The following PTPRK variants were observed in gnomAD, a reference collection of about 807,000 sequenced individuals.
The protein encoded by PTPRK is protein tyrosine phosphatase receptor type K.
In PTPRK, 75 loss-of-function variants were observed where a neutral mutation model predicts 178.0. The observed-to-expected ratio is 0.42, with a 90% confidence interval of 0.35 to 0.51. PTPRK has a LOEUF of 0.51. Among genes scored for constraint, PTPRK ranks in the 20% least tolerant of loss-of-function variants. PTPRK has a pLI of 0.02. For synonymous variants in PTPRK, 637 were observed against 620.6 expected, an observed-to-expected ratio of 1.03 and a Z score of -0.39; for missense variants, 1,441 against 1,797.8, an observed-to-expected ratio of 0.80 and a Z score of 3.59.
intron 3 of PTPRK, among the ~76,000 whole-genome samples, chr6:128,247,305 T>C (rs1345997397): frequency 3.3e-5 from 5 of 152,114 alleles, no homozygotes; most frequent in African/African-American, 1.2e-4. Flanking sequence ...GTCAGATATA[T>C]ATTTAACTCA....
At position 128,411,688 on chromosome 6, in the gene PTPRK, G is replaced by A. The variant is rs145036005; in HGVS notation, c.101-14000C>T. ...TATTTGGTCAGAACACAAATGAAGT[G>A]TAAAGCCAATAGCTATTTTTAAAAT... On this transcript the variant is annotated intron_variant, in intron 1 of 29. Transcript: ENST00000368226. Among the ~76,000 whole-genome samples, 643 of 152,290 alleles carry A rather than the reference G, an allele frequency of 4.2e-3. 2 individuals carry two copies. Among genetic ancestry groups the A allele is most frequent in the African/African-American group, 0.015 (604 of 41,562 alleles).
At chr6:128,390,220 T>G (rs1839360284) in intron 2 of PTPRK, among the ~76,000 whole-genome samples, 1 of 152,192 alleles carries the variant, frequency 6.6e-6, no homozygotes, top group Non-Finnish European at 1.5e-5. Flanking sequence ...TGATTTTTTC[T>G]TTTACCATAC....
intron 2 of PTPRK, among the ~76,000 whole-genome samples, chr6:128,342,134 T>C (rs905472354): frequency 1.3e-5 from 2 of 151,926 alleles, no homozygotes; most frequent in Admixed American, 6.6e-5. Context: ...ATGCTGGTAA[T>C]CCCAGCTACT....
chr6:128,451,858 G>A (rs75343064), intron 1 of PTPRK, among the ~76,000 whole-genome samples: 2,520 of 152,084 alleles, frequency 0.017, 29 homozygotes, highest in Non-Finnish European at 0.027. Context: ...GGAAACCACC[G>A]AACTAAGTCT....
intron 3 of PTPRK, among the ~76,000 whole-genome samples, chr6:128,317,230 A>C (rs1031566587): frequency 1.3e-5 from 2 of 152,208 alleles, no homozygotes; most frequent in Non-Finnish European, 2.9e-5. Flanking sequence ...CGTAAGCACA[A>C]CTTCAACTGT....
chr6:128,127,525 C>G (rs1793576163), intron 7 of PTPRK, among the ~76,000 whole-genome samples: 1 of 151,992 alleles, frequency 6.6e-6, no homozygotes, highest in Admixed American at 6.5e-5. Context: ...AGCTTTATAC[C>G]TAAACAATTA....
chr6:128,241,611 T>C (rs565361920), intron 4 of PTPRK, among the ~76,000 whole-genome samples: 27 of 152,316 alleles, frequency 1.8e-4, no homozygotes, highest in African/African-American at 6.5e-4. Context: ...AGTCTGAATT[T>C]ATGCCAGCTG....
chr6:128,067,866 T>C, intron 11 of PTPRK, 74 bp from the exon 12 acceptor site: 6 of 1,368,270 alleles, frequency 4.4e-6, no homozygotes, highest in Admixed American at 2.4e-5. Flanking sequence ...TAAGATTTTT[T>C]TTAAGGGGTT....
chr6:128,092,781 A>T (rs1787211683), intron 7 of PTPRK, among the ~76,000 whole-genome samples: 1 of 152,212 alleles, frequency 6.6e-6, no homozygotes, highest in Non-Finnish European at 1.5e-5. Flanking sequence ...AGTTGCCTAA[A>T]TTATTGACCT....
At chr6:128,289,795 A>C (rs1055423899) in intron 3 of PTPRK, among the ~76,000 whole-genome samples, 2 of 152,134 alleles carry the variant, frequency 1.3e-5, no homozygotes, top group African/African-American at 4.8e-5. Flanking sequence ...CATGATGCAA[A>C]TTGTTAGGTA....
At position 128,089,985 on chromosome 6, in the gene PTPRK, C is replaced by A; in HGVS notation, c.1170G>T (p.Met390Ile). 1 of 1,599,090 alleles carries A rather than the reference C, an allele frequency of 6.3e-7. No homozygotes were observed. The highest frequency in any genetic ancestry group is 8.6e-7 in the Non-Finnish European group (1 of 1,166,690). ...CAATCTTTAATGTCTTTGGGGTTCT[C>A]ATAGGTTCTGAAAAATAAATCAGAG... Reference protein sequence around the residue: ...LITRTKCAEPMRTPKTLKIAE... With the variant: ...LITRTKCAEPIRTPKTLKIAE... The change falls in exon 8 of 30, where the codon ATG becomes ATT. Residue 390 changes from methionine (M) to isoleucine (I), a missense_variant. Around this residue, in one of 4 missense-constraint regions of PTPRK, gnomAD observed 945 missense variants for 1,080.6 expected, o/e 0.87. Transcript: ENST00000368226.
chr6:128,214,794 A>C (rs530712235), intron 6 of PTPRK, among the ~76,000 whole-genome samples: 1 of 152,186 alleles, frequency 6.6e-6, no homozygotes, highest in African/African-American at 2.4e-5. Flanking sequence ...AAAATTAGTA[A>C]ATATTCTTAT....
chr6:128,259,270 T>C lies in PTPRK; in HGVS notation c.496-16668A>G, dbSNP rs141687026. On this transcript the variant is annotated intron_variant, in intron 3 of 29. Coordinates refer to ENST00000368226, the MANE Select transcript of PTPRK (RefSeq NM_002844.4). ...ATCACACTACAAATTTTTCAACACC[T>C]GCAATACCACTGTCAGGGAACACCA... is the stretch of plus-strand genomic sequence containing the variant. Among the ~76,000 whole-genome samples, 64 of 152,266 alleles carry C rather than the reference T, an allele frequency of 4.2e-4. No individual in the cohort carries two copies. The East Asian group carries it at 0.012, about 28-fold the overall frequency.
intron 7 of PTPRK, among the ~76,000 whole-genome samples, chr6:128,163,327 A>G (rs2114613294): frequency 6.6e-6 from 1 of 151,258 alleles, no homozygotes; most frequent in East Asian, 1.9e-4. Flanking sequence ...TATTAATAAT[A>G]TGTATTTTAA....
At chr6:128,248,824 T>G (rs1382318325) in intron 3 of PTPRK, among the ~76,000 whole-genome samples, 1 of 152,168 alleles carries the variant, frequency 6.6e-6, no homozygotes, top group Non-Finnish European at 1.5e-5. Context: ...AAGGAAAGGT[T>G]CAACTTTCAA....
chr6:128,114,304 G>A (rs560067457), intron 7 of PTPRK, among the ~76,000 whole-genome samples: 2 of 152,006 alleles, frequency 1.3e-5, no homozygotes, highest in South Asian at 4.2e-4. Context: ...GCAAGTGAGC[G>A]GGGAAGTGCC....
chr6:128,088,657 T>G (rs1786381217), intron 8 of PTPRK, among the ~76,000 whole-genome samples: 1 of 152,194 alleles, frequency 6.6e-6, no homozygotes, highest in Non-Finnish European at 1.5e-5. Context: ...TATATGTTTT[T>G]GCTAAATTAG....
intron 2 of PTPRK, among the ~76,000 whole-genome samples, chr6:128,365,597 G>C (rs1033111501): frequency 1.3e-5 from 2 of 151,994 alleles, no homozygotes; most frequent in African/African-American, 4.8e-5. Flanking sequence ...AATCGTAAAT[G>C]CCCACCAGCC....
rs149163102 is a variant in PTPRK, at chr6:128,374,134, G to A, written c.223+23432C>T. ...CCTAAGTTCACCTGAATCATTCTCA[G>A]AATTTATTGATATATTTCTCAATAT... On this transcript the variant is annotated intron_variant, in intron 2 of 29. Transcript: ENST00000368226. 6.4e-3 allele frequency among the ~76,000 whole-genome samples: 975 copies of A among 152,174 alleles called. 12 individuals carry two copies. Among genetic ancestry groups the A allele is most frequent in the African/African-American group, 0.023 (941 of 41,508 alleles).
Sources: gnomAD v4.1 joint callset for allele counts (sites outside exome capture counted in the v4.1 genomes callset) on GRCh38, gnomAD v4.1.1 for gene constraint, gnomAD v4.1.1 regional missense constraint, MANE v1.5 for transcripts, NCBI Gene and HGNC (gene_info 2026-07-23, HGNC 2026-07-21) for gene names.